WDR72: variants seen among roughly 807,000 people sequenced by gnomAD.
WDR72 encodes the protein WD repeat domain 72.
WDR72 carries 120 observed loss-of-function variants against 124.2 expected under a neutral mutation model. The observed-to-expected ratio is 0.97, with a 90% CI of 0.83 to 1.12. The LOEUF (loss-of-function observed/expected upper bound fraction) is 1.12. WDR72 is among the 50% of genes most tolerant of loss of function. WDR72 has a pLI of 0.00. For missense variants in WDR72, 1,387 were observed against 1,278.8 expected, an observed-to-expected ratio of 1.08 and a Z score of -1.29; for synonymous variants, 452 against 441.7, an observed-to-expected ratio of 1.02 and a Z score of -0.29.
In WDR72 at chr15:53,622,124, A is replaced by G. The variant is rs150040340; in HGVS notation, c.1963-5881T>C. Reference sequence around the variant, plus strand: ...GTGATTATTAAAAAGTCAAGAAACAACAGATAATAGCAGGGCGTTAGAAAA... The same window carrying G: ...GTGATTATTAAAAAGTCAAGAAACAGCAGATAATAGCAGGGCGTTAGAAAA... On this transcript the variant is annotated intron_variant, in intron 14 of 19. Transcript: ENST00000360509. 2.5e-3 allele frequency among the ~76,000 whole-genome samples: 378 copies of G among 152,236 alleles called. 6 individuals are homozygous for G. Among genetic ancestry groups the G allele is most frequent in the African/African-American group, 8.7e-3 (361 of 41,564 alleles).
intron 13 of WDR72, among the ~76,000 whole-genome samples, chr15:53,689,965 A>G (rs1286658203): frequency 1.3e-5 from 2 of 149,566 alleles, no homozygotes; most frequent in Non-Finnish European, 1.5e-5. Flanking sequence ...CTATCGCAAG[A>G]ACAAAAAACC....
intron 18 of WDR72, among the ~76,000 whole-genome samples, chr15:53,583,459 T>C (rs968189728): frequency 1.3e-5 from 2 of 152,022 alleles, no homozygotes; most frequent in African/African-American, 4.8e-5. Flanking sequence ...ATGAAGTCCC[T>C]GAGGAAATTC....
chr15:53,559,125 C>T (rs1016139046), intron 18 of WDR72, among the ~76,000 whole-genome samples: 30 of 151,826 alleles, frequency 2.0e-4, no homozygotes, highest in African/African-American at 7.0e-4. Context: ...TTACTTATAA[C>T]TTGCTAATGT....
At chr15:53,722,702 G>A (rs2017910906) in intron 3 of WDR72, 100 bp downstream of exon 3, 1 of 1,011,580 alleles carries the variant, frequency 9.9e-7, no homozygotes, top group South Asian at 1.3e-5. Context: ...GGCACATGTT[G>A]ATCACAAAGG....
intron 7 of WDR72, among the ~76,000 whole-genome samples, 169 bp downstream of exon 7, chr15:53,712,603 G>C (rs1392857123): frequency 2.7e-5 from 3 of 110,842 alleles, no homozygotes; most frequent in Non-Finnish European, 4.1e-5. Context: ...CCACCCCACC[G>C]CCAAAAAAAA....
chr15:53,670,745 T>C (rs2015957034), intron 13 of WDR72, among the ~76,000 whole-genome samples: 1 of 152,214 alleles, frequency 6.6e-6, no homozygotes, highest in South Asian at 2.1e-4. Context: ...TGAGTAGATA[T>C]AACAAGTGCT....
chr15:53,618,196 C>T (rs1034644831), intron 14 of WDR72, among the ~76,000 whole-genome samples: 10 of 151,864 alleles, frequency 6.6e-5, no homozygotes, highest in Admixed American at 5.9e-4. Context: ...GAATTTCATG[C>T]TTATAATTTC....
chr15:53,524,009 T>C (rs1451041725), intron 18 of WDR72, among the ~76,000 whole-genome samples: 3 of 152,122 alleles, frequency 2.0e-5, no homozygotes, highest in African/African-American at 4.8e-5. Context: ...CGACTAATTC[T>C]GTTTGAGAAA....
chr15:53,639,051 A>G (rs927104112), intron 14 of WDR72, among the ~76,000 whole-genome samples: 53 of 152,194 alleles, frequency 3.5e-4, no homozygotes, highest in African/African-American at 1.3e-3. Flanking sequence ...AGTCTACTCC[A>G]TCTCCTGACA....
At position 53,702,284 on chromosome 15, in the gene WDR72, G is replaced by C. The variant is rs772669802; in HGVS notation, c.1419C>G (p.Leu473=). 1.2e-6 allele frequency: 2 copies of C among 1,614,078 alleles called. No individual in the cohort carries two copies. The highest frequency in any genetic ancestry group is 1.1e-5 in the South Asian group (1 of 91,068). Residue 473 remains leucine (L), a synonymous_variant, in exon 12 of 20, where the codon CTC becomes CTG. Coordinates refer to ENST00000360509, the MANE Select transcript of WDR72 (RefSeq NM_182758.4). ...SVTSLLYPHG[L]SSKLDQSWML... The stretch of plus-strand genomic sequence containing the variant: ...TCCAACTTTGGTCTAATTTCGAAGA[G>C]AGACCATGTGGATAGAGTAATGAAG...
chr15:53,752,407 T>C (rs1373915053), intron 1 of WDR72, among the ~76,000 whole-genome samples: 2 of 152,118 alleles, frequency 1.3e-5, no homozygotes, highest in African/African-American at 4.8e-5. Context: ...GGTAGTCATA[T>C]AAAACAAGGA....
At position 53,705,171 on chromosome 15, in the gene WDR72, G is replaced by C. The variant is rs529813574; in HGVS notation, c.1165C>G (p.Gln389Glu). The change falls in exon 11 of 20, where the codon CAA becomes GAA. Residue 389 changes from glutamine (Q) to glutamate (E), a missense_variant. Transcript: ENST00000360509. Reference protein sequence around the residue: ...DNFDKHDTMSQSIIDYFSGLK... With the variant: ...DNFDKHDTMSESIIDYFSGLK... Reference sequence around the variant, plus strand: ...CCAGAGAAATAGTCAATAATACTTTGTGACATAGTATCATGCTTATCAAAA... The same window carrying C: ...CCAGAGAAATAGTCAATAATACTTTCTGACATAGTATCATGCTTATCAAAA... The C allele has an allele frequency of 1.4e-5, 22 of 1,613,980 alleles. No homozygotes were observed. Among genetic ancestry groups the C allele is most frequent in the African/African-American group, 1.1e-4 (8 of 75,026 alleles).
rs1891449876 is a variant in WDR72 at position 53,516,156 on chromosome 15, T to C, written c.*1543A>G. 1.3e-5 allele frequency: 2 copies of C among 152,170 alleles called. No homozygotes were observed. 9.4% of individuals were successfully genotyped at this position (152,170 alleles called of 1,614,324 possible). On this transcript the variant is annotated 3_prime_UTR_variant, in exon 20 of 20. Coordinates refer to ENST00000360509, the MANE Select transcript of WDR72 (RefSeq NM_182758.4). ...AAGGATAATAATTTTCCATGATTAT[T>C]CATATTAATGCTATGTTAGTTTCTA...
rs959805829 is a variant in WDR72, at chr15:53,613,598, G to T, written c.2872+68C>A. ...ATTTTGACACTGCTAACCAGTTATAGAAAGACTAGTTATGTCCTTTCACAG... is the reference window on the plus strand; with the variant it reads ...ATTTTGACACTGCTAACCAGTTATATAAAGACTAGTTATGTCCTTTCACAG... On this transcript the variant is annotated intron_variant, in intron 16 of 19. Coordinates refer to ENST00000360509, the MANE Select transcript of WDR72 (RefSeq NM_182758.4). 4.0e-6 allele frequency: 4 copies of T among 1,003,248 alleles called. No homozygotes were observed. In the African/African-American group the frequency reaches 6.5e-5, roughly 16 times the overall value. 62.1% of individuals were successfully genotyped at this position (1,003,248 alleles called of 1,614,324 possible).
chr15:53,654,413 C>T (rs913611448), intron 14 of WDR72, among the ~76,000 whole-genome samples: 1 of 152,154 alleles, frequency 6.6e-6, no homozygotes, highest in Non-Finnish European at 1.5e-5. Flanking sequence ...GAAAGATAAA[C>T]AGATTTTGAT....
At chr15:53,714,149 C>G (rs2017635207) in intron 6 of WDR72, among the ~76,000 whole-genome samples, 1 of 146,842 alleles carries the variant, frequency 6.8e-6, no homozygotes, top group South Asian at 2.1e-4. Flanking sequence ...GAGAGATGTT[C>G]TATTTTTTAA....
chr15:53,518,164 C>CAAAATTT (rs1891569804), intron 19 of WDR72, among the ~76,000 whole-genome samples: 1 of 151,588 alleles, frequency 6.6e-6, no homozygotes, highest in African/African-American at 2.4e-5. Flanking sequence ...GTTTTAGGGT[C>CAAAATTT]AAAATTTATT....
At chr15:53,740,331 G>A (rs1405384208) in intron 1 of WDR72, among the ~76,000 whole-genome samples, 2 of 146,800 alleles carry the variant, frequency 1.4e-5, no homozygotes, top group East Asian at 2.0e-4. Flanking sequence ...TTTTTGAGAC[G>A]GAGTCTCTCT....
chr15:53,735,623 G>T (rs957456694), intron 1 of WDR72, among the ~76,000 whole-genome samples: 1 of 150,902 alleles, frequency 6.6e-6, no homozygotes, highest in African/African-American at 2.5e-5. Flanking sequence ...TTGTACTTAA[G>T]GCATTCTGAA....
Sources: gnomAD v4.1 joint callset for allele counts (sites outside exome capture counted in the v4.1 genomes callset) on GRCh38, gnomAD v4.1.1 for gene constraint, MANE v1.5 for transcripts, NCBI Gene and HGNC (gene_info 2026-07-23, HGNC 2026-07-21) for gene names.